Variants in KHDC1 observed in about 807,000 individuals in gnomAD.
The protein encoded by KHDC1 is KH domain containing 1.
In KHDC1, 21 loss-of-function variants were observed where a neutral mutation model predicts 24.7. The observed-to-expected ratio is 0.85, with a 90% confidence interval of 0.60 to 1.23. The LOEUF (loss-of-function observed/expected upper bound fraction) is 1.23, where lower values mean the gene tolerates loss of function less well. KHDC1 is among the 50% of genes most tolerant of loss of function. The probability of loss-of-function intolerance (pLI) is 0.00; values close to 1 mark genes in which losing one functional copy is unlikely to be tolerated. For synonymous variants in KHDC1, 98 were observed against 111.7 expected (o/e 0.88, Z 0.77); for missense variants, 274 against 298.5 (o/e 0.92, Z 0.61).
At chr6:73,282,868 C>T (rs925649087) in intron 2 of KHDC1, among the ~76,000 whole-genome samples, 1 of 152,146 alleles carries the variant, frequency 6.6e-6, no homozygotes. Context: ...CTCTGATCCC[C>T]GAGTGCTCCA....
At chr6:73,279,026 C>T (rs1767355043) in intron 2 of KHDC1, among the ~76,000 whole-genome samples, 1 of 152,194 alleles carries the variant, frequency 6.6e-6, no homozygotes. Context: ...CCTAGGTACA[C>T]AGTTAAACAC....
chr6:73,308,901 G>T (rs1479994370), intron 1 of KHDC1, among the ~76,000 whole-genome samples: 3 of 152,040 alleles, frequency 2.0e-5, no homozygotes, highest in Non-Finnish European at 4.4e-5. Context: ...GCGCCATCTC[G>T]GCTCACTCCA....
At chr6:73,263,342 G>C in intron 2 of KHDC1, 146 bp from the exon 1 acceptor site, 1 of 940,816 alleles carries the variant, frequency 1.1e-6, no homozygotes. Context: ...GGAAGCAAGG[G>C]TGGGAGGAGG....
chr6:73,278,976 T>C (rs549634497), intron 2 of KHDC1, among the ~76,000 whole-genome samples: 5 of 152,362 alleles, frequency 3.3e-5, no homozygotes, highest in Admixed American at 6.5e-5. Context: ...AACTCCTTTT[T>C]GGCATGGATG....
At chr6:73,246,361 T>C (rs984594530) in intron 2 of KHDC1, among the ~76,000 whole-genome samples, 1 of 152,252 alleles carries the variant, frequency 6.6e-6, no homozygotes, top group East Asian at 1.9e-4. Flanking sequence ...TGAAAAATTC[T>C]AGTTTACATT....
intron 2 of KHDC1, among the ~76,000 whole-genome samples, chr6:73,285,139 G>A (rs117633604): frequency 1.5e-3 from 233 of 152,024 alleles, no homozygotes; most frequent in Middle Eastern, 3.4e-3. Context: ...GCCACCCAGC[G>A]TGTCTGTTAC....
intron 1 of KHDC1, among the ~76,000 whole-genome samples, chr6:73,308,983 G>T (rs1295634342): frequency 6.6e-6 from 1 of 151,986 alleles, no homozygotes; most frequent in Non-Finnish European, 1.5e-5. Flanking sequence ...AGGCACGCGC[G>T]CCAGGCTAAT....
chr6:73,267,355 C>T (rs1025227784), intron 2 of KHDC1, among the ~76,000 whole-genome samples: 2 of 152,162 alleles, frequency 1.3e-5, no homozygotes, highest in African/African-American at 2.4e-5. Flanking sequence ...TGGTGGCAGG[C>T]GCCTGTAGTC....
At chr6:73,296,455 A>G (rs1279467505) in intron 1 of KHDC1, among the ~76,000 whole-genome samples, 1 of 152,182 alleles carries the variant, frequency 6.6e-6, no homozygotes, top group Non-Finnish European at 1.5e-5. Flanking sequence ...TCCATCAAAA[A>G]AAAATTAAAC....
chr6:73,249,875 A>C (rs1766747635), intron 2 of KHDC1, among the ~76,000 whole-genome samples: 1 of 152,160 alleles, frequency 6.6e-6, no homozygotes, highest in African/African-American at 2.4e-5. Flanking sequence ...TCAGCCTCCC[A>C]AAGCACTGGC....
At chr6:73,293,267 G>A (rs1767691492) in intron 1 of KHDC1, 1 of 643,508 alleles carries the variant, frequency 1.6e-6, no homozygotes, top group Non-Finnish European at 3.0e-6. Flanking sequence ...CAAGATTCTG[G>A]CTTCTACTGA....
intron 2 of KHDC1, among the ~76,000 whole-genome samples, chr6:73,289,947 C>A (rs7758517): frequency 0.072 from 10,531 of 146,016 alleles, 434 homozygotes; most frequent in East Asian, 0.12. Flanking sequence ...AAAAATACAA[C>A]AAATTAGCCG....
chr6:73,292,738 G>T, intron 1 of KHDC1: 1 of 739,074 alleles, frequency 1.4e-6, no homozygotes, highest in South Asian at 1.4e-5. Context: ...TAGCAAACAA[G>T]GATGTTCGAA....
intron 2 of KHDC1, chr6:73,291,166 C>A: frequency 2.0e-6 from 1 of 495,694 alleles, no homozygotes; most frequent in South Asian, 1.5e-5. Context: ...TTCAGCAGTT[C>A]CCTACTGAAG....
At chr6:73,269,551 G>A (rs1225591851) in intron 2 of KHDC1, 2 of 152,090 alleles carry the variant, frequency 1.3e-5, no homozygotes, top group Non-Finnish European at 2.9e-5. Context: ...TATGCTTATT[G>A]TTTGTGGATT....
chr6:73,281,649 T>G (rs947285347), intron 2 of KHDC1, among the ~76,000 whole-genome samples: 3 of 151,578 alleles, frequency 2.0e-5, no homozygotes, highest in African/African-American at 7.3e-5. Context: ...GGTTCTAGAT[T>G]TACAGAAGAG....
chr6:73,272,323 G>T (rs1767194568), intron 2 of KHDC1, among the ~76,000 whole-genome samples: 1 of 151,780 alleles, frequency 6.6e-6, no homozygotes, highest in East Asian at 2.0e-4. Context: ...CACCACGTCG[G>T]GGTTTCACCA....
chr6:73,310,111 G>A (rs972352392), exon 1 of KHDC1: 1 of 202,318 alleles, frequency 4.9e-6, no homozygotes, highest in Non-Finnish European at 1.0e-5. Context: ...CCCGGAGAAC[G>A]GAGCAGCATC....
chr6:73,272,784 A>G (rs1327606144), intron 2 of KHDC1, among the ~76,000 whole-genome samples: 4 of 149,276 alleles, frequency 2.7e-5, no homozygotes, highest in African/African-American at 1.0e-4. Flanking sequence ...CCGGGGGGGA[A>G]AAGAAAAAAA....
Sources: gnomAD v4.1 joint callset for allele counts (sites outside exome capture counted in the v4.1 genomes callset) on GRCh38, gnomAD v4.1.1 for gene constraint, MANE v1.5 for transcripts, NCBI Gene and HGNC (gene_info 2026-07-23, HGNC 2026-07-21) for gene names.